PAPPA: variants seen among roughly 807,000 people sequenced by gnomAD.
The protein encoded by PAPPA is pappalysin-1.
A neutral mutation model predicts 164.0 loss-of-function variants in PAPPA; 60 were observed. The ratio of observed to expected loss-of-function variants is 0.37; its 90% confidence interval spans 0.30 to 0.45. The LOEUF (loss-of-function observed/expected upper bound fraction) is 0.45. Ranked by LOEUF, PAPPA falls within the 20% of genes least tolerant of loss-of-function variation. The probability of loss-of-function intolerance (pLI) is 1.00; values close to 1 mark genes in which losing one functional copy is unlikely to be tolerated. For missense variants in PAPPA, 1,782 were observed against 2,087.3 expected (o/e 0.85, Z 2.85); for synonymous variants, 875 against 814.1 (o/e 1.07, Z -1.27).
intron 1 of PAPPA, among the ~76,000 whole-genome samples, chr9:116,171,495 C>A (rs149258413): frequency 7.1e-6 from 1 of 140,408 alleles, no homozygotes; most frequent in Non-Finnish European, 1.5e-5. Context: ...CACTTTCAAC[C>A]CCCCCACCAC....
chr9:116,367,592 C>T, intron 18 of PAPPA, 53 bp from the exon 19 acceptor site: 1 of 1,341,600 alleles, frequency 7.5e-7, no homozygotes, highest in Non-Finnish European at 1.1e-6. Context: ...GGGCAGTTTG[C>T]AGATGTTGAG....
intron 4 of PAPPA, among the ~76,000 whole-genome samples, chr9:116,215,968 A>G (rs566322204): frequency 2.0e-5 from 3 of 152,276 alleles, no homozygotes; most frequent in South Asian, 2.1e-4. Flanking sequence ...ATATACATAC[A>G]TATACACACA....
chr9:116,285,017 T>C (rs1404031701), intron 9 of PAPPA, among the ~76,000 whole-genome samples: 2 of 152,090 alleles, frequency 1.3e-5, no homozygotes, highest in Non-Finnish European at 2.9e-5. Context: ...CTTTTGTTGC[T>C]CTCCAATTGA....
intron 1 of PAPPA, among the ~76,000 whole-genome samples, chr9:116,178,725 A>G (rs970321002): frequency 5.3e-5 from 8 of 152,144 alleles, no homozygotes; most frequent in African/African-American, 1.9e-4. Context: ...TAGTTCCCCC[A>G]CTACAACTGT....
At chr9:116,378,485 G>C (rs1433417497) in intron 20 of PAPPA, among the ~76,000 whole-genome samples, 1 of 152,198 alleles carries the variant, frequency 6.6e-6, no homozygotes, top group Admixed American at 6.5e-5. Flanking sequence ...GCAAACGCAG[G>C]TGAAAAGGAT....
At chr9:116,326,690 C>G (rs889857892) in intron 10 of PAPPA, among the ~76,000 whole-genome samples, 1 of 152,188 alleles carries the variant, frequency 6.6e-6, no homozygotes, top group Admixed American at 6.5e-5. Flanking sequence ...AGAACTTATT[C>G]ATCTTGCTTA....
chr9:116,324,171 G>C (rs1490593420), intron 10 of PAPPA, among the ~76,000 whole-genome samples: 1 of 152,220 alleles, frequency 6.6e-6, no homozygotes, highest in Non-Finnish European at 1.5e-5. Flanking sequence ...CATGTGGGCA[G>C]GCTCTCTTGA....
chr9:116,288,632 G>A (rs1216121758), intron 9 of PAPPA: 2 of 152,028 alleles, frequency 1.3e-5, no homozygotes, highest in Admixed American at 1.3e-4. Context: ...TATTCTAAGG[G>A]CTGAAGAGTA....
intron 10 of PAPPA, among the ~76,000 whole-genome samples, chr9:116,305,471 T>A (rs1398311442): frequency 2.1e-5 from 3 of 142,178 alleles, no homozygotes; most frequent in African/African-American, 7.8e-5. Context: ...TCTCTCTCTC[T>A]CACACACACA....
At chr9:116,382,356 T>TAAC in intron 20 of PAPPA, 39 bp from the exon 21 acceptor site, 1 of 1,325,508 alleles carries the variant, frequency 7.5e-7, no homozygotes, top group South Asian at 1.2e-5. Flanking sequence ...TCCAGGATGC[T>TAAC]AACAAGGCCT....
At chr9:116,185,480 A>G (rs1843959033) in intron 1 of PAPPA, among the ~76,000 whole-genome samples, 1 of 152,300 alleles carries the variant, frequency 6.6e-6, no homozygotes, top group Admixed American at 6.5e-5. Context: ...TGCTCATTTG[A>G]TGAGCACTTA....
At chr9:116,162,381 G>C (rs1489786408) in intron 1 of PAPPA, among the ~76,000 whole-genome samples, 1 of 152,072 alleles carries the variant, frequency 6.6e-6, no homozygotes, top group Non-Finnish European at 1.5e-5. Context: ...CGTTTTTCTG[G>C]TTCCTTATTT....
chr9:116,320,326 G>C (rs1453581448), intron 10 of PAPPA, among the ~76,000 whole-genome samples: 1 of 152,178 alleles, frequency 6.6e-6, no homozygotes, highest in Non-Finnish European at 1.5e-5. Context: ...CAGATCCCTG[G>C]AGCAACGAGG....
At chr9:116,375,349 T>A (rs1385742581) in intron 19 of PAPPA, among the ~76,000 whole-genome samples, 3 of 152,196 alleles carry the variant, frequency 2.0e-5, no homozygotes, top group Non-Finnish European at 4.4e-5. Flanking sequence ...CAAGTTAAGC[T>A]CTTTCTCCAA....
At chr9:116,176,429 A>G (rs1843835630) in intron 1 of PAPPA, among the ~76,000 whole-genome samples, 1 of 152,228 alleles carries the variant, frequency 6.6e-6, no homozygotes, top group Non-Finnish European at 1.5e-5. Context: ...AGAGTGTTCC[A>G]ATAATGTAAT....
intron 21 of PAPPA, among the ~76,000 whole-genome samples, chr9:116,388,749 A>C (rs896786897): frequency 6.6e-6 from 1 of 152,226 alleles, no homozygotes; most frequent in African/African-American, 2.4e-5. Context: ...GCTAGTTAAG[A>C]CTGAGACCTA....
chr9:116,307,265 A>G (rs774125678), intron 10 of PAPPA, among the ~76,000 whole-genome samples: 2 of 152,106 alleles, frequency 1.3e-5, no homozygotes, highest in Non-Finnish European at 2.9e-5. Context: ...AGTTGCTATT[A>G]TCATTCCTTG....
intron 9 of PAPPA, among the ~76,000 whole-genome samples, chr9:116,295,366 C>T (rs771780927): frequency 2.0e-5 from 3 of 151,752 alleles, no homozygotes; most frequent in Non-Finnish European, 4.4e-5. Flanking sequence ...CCAGCCTGAC[C>T]AACATGGTGA....
At chr9:116,217,794 A>G (rs1844394408) in intron 4 of PAPPA, among the ~76,000 whole-genome samples, 1 of 152,074 alleles carries the variant, frequency 6.6e-6, no homozygotes, top group Admixed American at 6.5e-5. Flanking sequence ...CACTGTCTTC[A>G]CTTCACAGAT....
Sources: gnomAD v4.1 joint callset for allele counts (sites outside exome capture counted in the v4.1 genomes callset) on GRCh38, gnomAD v4.1.1 for gene constraint, MANE v1.5 for transcripts, NCBI Gene and HGNC (gene_info 2026-07-23, HGNC 2026-07-21) for gene names.